Variants in KIAA0513 observed in about 807,000 individuals in gnomAD.
The protein encoded by KIAA0513 is uncharacterized protein KIAA0513.
A neutral mutation model predicts 56.5 loss-of-function variants in KIAA0513; 39 were observed. The observed-to-expected ratio is 0.69, with a 90% CI of 0.53 to 0.90. KIAA0513 has a LOEUF of 0.90. KIAA0513 is among the 40% of genes least tolerant of loss of function. KIAA0513 has a pLI of 0.00. For missense variants in KIAA0513, 591 were observed against 535.2 expected (o/e 1.10, Z -1.03); for synonymous variants, 268 against 215.6 (o/e 1.24, Z -2.13).
intron 4 of KIAA0513, among the ~76,000 whole-genome samples, chr16:85,075,008 G>T (rs2073636071): frequency 6.6e-6 from 1 of 151,524 alleles, no homozygotes; most frequent in African/African-American, 2.4e-5. Flanking sequence ...GCCATCACTT[G>T]GTCCCTGAGC....
chr16:85,042,163 G>A (rs1003253018), intron 1 of KIAA0513, among the ~76,000 whole-genome samples: 1 of 152,128 alleles, frequency 6.6e-6, no homozygotes, highest in East Asian at 1.9e-4. Context: ...TTTTGGCAGC[G>A]AGTAACTTTT....
chr16:85,047,368 C>A (rs903250298), intron 1 of KIAA0513, among the ~76,000 whole-genome samples: 3 of 152,204 alleles, frequency 2.0e-5, no homozygotes, highest in African/African-American at 7.2e-5. Flanking sequence ...TGCAATCTCT[C>A]GAGCACTTTC....
At chr16:85,078,866 T>C (rs192458941) in intron 7 of KIAA0513, 59 bp from the exon 8 acceptor site, 2 of 1,581,790 alleles carry the variant, frequency 1.3e-6, no homozygotes, top group Admixed American at 1.7e-5. Context: ...TCACCCGGGG[T>C]TTGCCAACAG....
intron 6 of KIAA0513, among the ~76,000 whole-genome samples, chr16:85,077,919 G>C (rs1287131884): frequency 6.6e-6 from 1 of 152,180 alleles, no homozygotes; most frequent in African/African-American, 2.4e-5. Context: ...TGTCTCCTCT[G>C]TCCCCTCCAT....
intron 1 of KIAA0513, among the ~76,000 whole-genome samples, chr16:85,037,832 T>C (rs2073055051): frequency 6.6e-6 from 1 of 152,150 alleles, no homozygotes; most frequent in African/African-American, 2.4e-5. Flanking sequence ...ATCTCTCACG[T>C]CCTCTCTCCC....
At chr16:85,058,042 G>A (rs1490619349) in intron 1 of KIAA0513, among the ~76,000 whole-genome samples, 1 of 152,200 alleles carries the variant, frequency 6.6e-6, no homozygotes, top group Non-Finnish European at 1.5e-5. Context: ...AGGCTCTTAT[G>A]TTCACAGCAG....
At position 85,092,954 on chromosome 16, in the gene KIAA0513, T is replaced by A. The variant is rs1312008296; in HGVS notation, c.*4629T>A. ...GCCAACACTGGCCCGGAAGCCGCCC[T>A]CCATACAGGCCCTCAGGGGGCCTGC... On this transcript the variant is annotated 3_prime_UTR_variant, in exon 13 of 13. Coordinates refer to ENST00000683363, the MANE Select transcript of KIAA0513 (RefSeq NM_001388359.1). 1 of 152,298 alleles carries A rather than the reference T, an allele frequency of 6.6e-6. No individual in the cohort carries two copies. The highest frequency in any genetic ancestry group is 1.5e-5 in the Non-Finnish European group (1 of 68,130). 9.4% of individuals were successfully genotyped at this position (152,298 alleles called of 1,614,324 possible).
chr16:85,087,782 C>G (rs895400598), intron 12 of KIAA0513, among the ~76,000 whole-genome samples: 2 of 152,236 alleles, frequency 1.3e-5, no homozygotes, highest in Non-Finnish European at 2.9e-5. Context: ...GAATCCCATT[C>G]TCTACCTAAT....
chr16:85,090,112 G>GA lies in KIAA0513; in HGVS notation c.*1787_*1788insA. On this transcript the variant is annotated 3_prime_UTR_variant, in exon 13 of 13. Transcript: ENST00000683363. The stretch of plus-strand genomic sequence containing the variant: ...TTCCCCCATCATTGGGCCCCAACGG[G>GA]CATGTCTCCACCGAATCCATTTAGA... 6.6e-6 allele frequency: 1 copy of GA among 152,170 alleles called. No homozygotes were observed. Among genetic ancestry groups the GA allele is most frequent in the African/African-American group, 2.4e-5 (1 of 41,516 alleles). 9.4% of individuals were successfully genotyped at this position (152,170 alleles called of 1,614,324 possible). A position where few individuals can be genotyped will look rare whatever the true frequency, so the allele number is the denominator to read the frequency against.
chr16:85,037,017 C>A (rs1446905156), intron 1 of KIAA0513, among the ~76,000 whole-genome samples: 3 of 152,016 alleles, frequency 2.0e-5, no homozygotes, highest in Non-Finnish European at 4.4e-5. Context: ...ACCCATAGCA[C>A]TGTAGGAATA....
At chr16:85,073,091 T>C (rs943765886) in intron 4 of KIAA0513, 93 bp downstream of exon 4, 1 of 1,047,876 alleles carries the variant, frequency 9.5e-7, no homozygotes, top group Admixed American at 1.7e-5. Flanking sequence ...AACCCAGCTG[T>C]GAACCATATC....
At chr16:85,083,126 GGAA>G (rs1305152820) in intron 10 of KIAA0513, among the ~76,000 whole-genome samples, 1 of 152,200 alleles carries the variant, frequency 6.6e-6, no homozygotes, top group Admixed American at 6.5e-5. Context: ...AGGGAGGCAC[GGAA>G]GAAGGACACA....
Position 85,088,349 on chromosome 16 carries a change from G to T in KIAA0513, c.*24G>T. On this transcript the variant is annotated 3_prime_UTR_variant, in exon 13 of 13. Coordinates refer to ENST00000683363, the MANE Select transcript of KIAA0513 (RefSeq NM_001388359.1). The stretch of plus-strand genomic sequence containing the variant: ...AGGCCCCAGAGGTCGCACTCCGCAG[G>T]AGGACTGAGGCCATGTGCCATTCTC... The T allele has an allele frequency of 6.2e-7, 1 of 1,602,362 alleles. No homozygotes were observed. Among genetic ancestry groups the T allele is most frequent in the Non-Finnish European group, 8.5e-7 (1 of 1,175,986 alleles).
At chr16:85,049,775 C>G (rs2073223146) in intron 1 of KIAA0513, among the ~76,000 whole-genome samples, 2 of 152,140 alleles carry the variant, frequency 1.3e-5, no homozygotes, top group Non-Finnish European at 2.9e-5. Flanking sequence ...TATAAATTAC[C>G]CAGTCTCGGG....
chr16:85,065,924 G>A (rs2144005731), intron 1 of KIAA0513, among the ~76,000 whole-genome samples: 1 of 152,332 alleles, frequency 6.6e-6, no homozygotes, highest in South Asian at 2.1e-4. Context: ...GACCCTGTGA[G>A]CATGTTCACA....
chr16:85,075,817 A>G, intron 4 of KIAA0513, 27 bp from the exon 5 acceptor site: 12 of 1,612,594 alleles, frequency 7.4e-6, no homozygotes, highest in Non-Finnish European at 1.0e-5. Flanking sequence ...AGCGATCTTT[A>G]GCCATGAGCC....
chr16:85,088,359 G>A lies in KIAA0513; in HGVS notation c.*34G>A. 2 of 1,591,224 alleles carry A rather than the reference G, an allele frequency of 1.3e-6. No homozygotes were observed. The highest frequency in any genetic ancestry group is 1.7e-6 in the Non-Finnish European group (2 of 1,167,262). ...GGTCGCACTCCGCAGGAGGACTGAG[G>A]CCATGTGCCATTCTCCCGGGCCCAG... On this transcript the variant is annotated 3_prime_UTR_variant, in exon 13 of 13. Transcript: ENST00000683363.
In KIAA0513 at chr16:85,087,121, A is replaced by C. The variant is rs772242162; in HGVS notation, c.1141A>C (p.Asn381His). 4.3e-6 allele frequency: 7 copies of C among 1,614,170 alleles called. No homozygotes were observed. The South Asian group carries it at 7.7e-5, about 18-fold the overall frequency. The change falls in exon 12 of 13, where the codon AAT (asparagine) becomes CAT (histidine). Residue 381 changes from asparagine (N) to histidine (H), a missense_variant. Transcript: ENST00000683363. ...LAFGLNKKLC[N>H]DFLKKQAVIG... Reference sequence around the variant, plus strand: ...CTTTGGACTGAACAAGAAGCTGTGCAATGACTTCCTGAAGAAGCAGGCTGT... The same window carrying C: ...CTTTGGACTGAACAAGAAGCTGTGCCATGACTTCCTGAAGAAGCAGGCTGT...
chr16:85,034,523 G>A (rs1276117368), intron 1 of KIAA0513, among the ~76,000 whole-genome samples: 4 of 152,020 alleles, frequency 2.6e-5, no homozygotes, highest in Non-Finnish European at 4.4e-5. Flanking sequence ...TATTTATGGG[G>A]TGGTTTTCGT....
Sources: gnomAD v4.1 joint callset for allele counts (sites outside exome capture counted in the v4.1 genomes callset) on GRCh38, gnomAD v4.1.1 for gene constraint, MANE v1.5 for transcripts, NCBI Gene and HGNC (gene_info 2026-07-23, HGNC 2026-07-21) for gene names.